UBAP2: variants seen among roughly 807,000 people sequenced by gnomAD.
UBAP2 encodes the protein ubiquitin-associated protein 2.
A neutral mutation model predicts 139.6 loss-of-function variants in UBAP2; 75 were observed. The ratio of observed to expected loss-of-function variants is 0.54; its 90% CI spans 0.45 to 0.65. UBAP2 has a LOEUF of 0.65. Ranked by LOEUF, UBAP2 falls within the 30% of genes least tolerant of loss-of-function variation. UBAP2 has a pLI of 0.00. For missense variants in UBAP2, 1,368 were observed against 1,369.6 expected, an observed-to-expected ratio of 1.00 and a Z score of 0.02; for synonymous variants, 526 against 526.2, an observed-to-expected ratio of 1.00 and a Z score of 0.01.
At chr9:33,987,859 A>C (rs539479365) in intron 5 of UBAP2, among the ~76,000 whole-genome samples, 1 of 152,372 alleles carries the variant, frequency 6.6e-6, no homozygotes, top group South Asian at 2.1e-4. Flanking sequence ...CTGAGTTCTT[A>C]GAAAAACTAA....
chr9:33,981,205 G>GATATATATATATATATATTCTGGAT (rs376947939), intron 6 of UBAP2, among the ~76,000 whole-genome samples: 8 of 3,684 alleles, frequency 2.2e-3, no homozygotes, highest in Non-Finnish European at 4.9e-3. Context: ...ATATATTCTG[G>GATATATATATATATATATTCTGGAT]ATATATATAT....
intron 1 of UBAP2, among the ~76,000 whole-genome samples, chr9:34,020,945 G>A (rs1028841379): frequency 2.0e-5 from 3 of 151,966 alleles, no homozygotes; most frequent in African/African-American, 4.8e-5. Context: ...TACAGGACCC[G>A]GCCGGAATTC....
intron 1 of UBAP2, among the ~76,000 whole-genome samples, chr9:34,047,093 G>A (rs1012690391): frequency 6.6e-6 from 1 of 152,108 alleles, no homozygotes; most frequent in Non-Finnish European, 1.5e-5. Flanking sequence ...TCTCTCCCAT[G>A]CCACCACTTT....
At chr9:33,925,363 A>C (rs887099477) in intron 22 of UBAP2, among the ~76,000 whole-genome samples, 7 of 152,176 alleles carry the variant, frequency 4.6e-5, no homozygotes, top group Non-Finnish European at 2.9e-5. Context: ...TTCACAGAAC[A>C]CGAGAATTCT....
At chr9:34,044,186 G>A (rs1038777159) in intron 1 of UBAP2, among the ~76,000 whole-genome samples, 4 of 151,312 alleles carry the variant, frequency 2.6e-5, no homozygotes, top group Admixed American at 6.6e-5. Context: ...TCACACACGA[G>A]GTCAGGAGAT....
At chr9:34,011,111 C>G (rs922478154) in intron 2 of UBAP2, among the ~76,000 whole-genome samples, 2 of 152,104 alleles carry the variant, frequency 1.3e-5, no homozygotes, top group African/African-American at 4.8e-5. Context: ...CAAACAAGCA[C>G]TTGATGGGTG....
In UBAP2 at chr9:33,941,758, G is replaced by C. The variant is rs745760902; in HGVS notation, c.1820C>G (p.Ser607Cys). 3.1e-6 allele frequency: 5 copies of C among 1,613,980 alleles called. No individual in the cohort carries two copies. Among genetic ancestry groups the C allele is most frequent in the Admixed American group, 1.7e-5 (1 of 60,008 alleles). ...SCSLTSSSLN[S>C]ASPVAMSSSY... ...GGAAGACATTGCTACTGGACTAGCAGAATTCAGTGATGAGCTTGTCAGACT... is the reference window on the plus strand; with the variant it reads ...GGAAGACATTGCTACTGGACTAGCACAATTCAGTGATGAGCTTGTCAGACT... The change falls in exon 16 of 29, where the codon TCT becomes TGT. Residue 607 changes from serine to cysteine, a missense_variant. Coordinates refer to ENST00000379238, the MANE Select transcript of UBAP2 (RefSeq NM_001370062.2).
chr9:33,958,172 G>A (rs997699520), intron 10 of UBAP2, among the ~76,000 whole-genome samples: 29 of 152,128 alleles, frequency 1.9e-4, no homozygotes, highest in Admixed American at 5.9e-4. Flanking sequence ...ATGTTGCCCA[G>A]GCTGCACTTG....
Position 33,922,500 on chromosome 9 carries a change from G to C in UBAP2, c.*4C>G, listed in dbSNP as rs201968722. On this transcript the variant is annotated 3_prime_UTR_variant, in exon 29 of 29. Coordinates refer to ENST00000379238, the MANE Select transcript of UBAP2 (RefSeq NM_001370062.2). ...TTGCCCCAGCCCACCCCTCTCTTCT[G>C]GGTTTAGTTTGTCCAGTATGGAGAG... 5.8e-4 allele frequency: 935 copies of C among 1,613,360 alleles called. 2 individuals carry two copies. The highest frequency in any genetic ancestry group is 7.3e-4 in the Non-Finnish European group (866 of 1,179,778).
At position 33,933,631 on chromosome 9, in the gene UBAP2, G is replaced by A. The variant is rs1824198639; in HGVS notation, c.1970-3C>T. On this transcript the variant is annotated splice_polypyrimidine_tract_variant and splice_region_variant and intron_variant, in intron 17 of 28. Transcript: ENST00000379238. ...GGGAGGGCCTGTTGTCTTTGGAGCT[G>A]GAACAGATGAAGTAGCTGTAAGAAG... 2 of 1,613,492 alleles carry A rather than the reference G, an allele frequency of 1.2e-6. No homozygotes were observed. The highest frequency in any genetic ancestry group is 1.1e-5 in the South Asian group (1 of 91,054).
chr9:33,995,524 AATAT>A, intron 4 of UBAP2: 1 of 96,386 alleles, frequency 1.0e-5, no homozygotes, highest in South Asian at 2.8e-4. Context: ...TAAATATATA[AATAT>A]ATTTATATTA....
At chr9:33,933,689 T>G (rs1442519138) in intron 17 of UBAP2, 61 bp from the exon 18 acceptor site, 2 of 1,589,966 alleles carry the variant, frequency 1.3e-6, no homozygotes, top group African/African-American at 2.7e-5. Flanking sequence ...CAATCCTAAG[T>G]GCCTGAAAAT....
At chr9:33,968,222 C>A in intron 8 of UBAP2, 2 of 619,472 alleles carry the variant, frequency 3.2e-6, no homozygotes, top group East Asian at 3.9e-5. Context: ...GATTATGAAA[C>A]CTAAACCCTC....
At chr9:33,970,513 T>C (rs1242474043) in intron 8 of UBAP2, among the ~76,000 whole-genome samples, 1 of 151,784 alleles carries the variant, frequency 6.6e-6, no homozygotes, top group Non-Finnish European at 1.5e-5. Context: ...CACTGCATCC[T>C]CAACCTGCCA....
At chr9:34,015,001 G>T (rs1254011138) in intron 2 of UBAP2, among the ~76,000 whole-genome samples, 1 of 152,182 alleles carries the variant, frequency 6.6e-6, no homozygotes, top group African/African-American at 2.4e-5. Flanking sequence ...ACTGAAAAAT[G>T]TAACGCAACA....
intron 3 of UBAP2, chr9:33,997,730 C>T (rs1446513848): frequency 1.3e-5 from 2 of 152,208 alleles, no homozygotes; most frequent in Admixed American, 1.3e-4. Flanking sequence ...GAACTTAAAT[C>T]TCTGAACTCC....
intron 16 of UBAP2, among the ~76,000 whole-genome samples, chr9:33,937,131 C>CAA (rs201060540): frequency 2.0e-4 from 20 of 99,636 alleles, no homozygotes; most frequent in South Asian, 3.1e-4. Flanking sequence ...GGTGGTGATT[C>CAA]AAAAAAAAAA....
At chr9:34,017,714 C>G (rs1564065272) in intron 1 of UBAP2, among the ~76,000 whole-genome samples, 2 of 152,090 alleles carry the variant, frequency 1.3e-5, no homozygotes, top group Non-Finnish European at 2.9e-5. Context: ...ATCATGAGGT[C>G]AGGAGATCGA....
At chr9:34,001,232 A>C (rs1822673433) in intron 2 of UBAP2, among the ~76,000 whole-genome samples, 1 of 152,212 alleles carries the variant, frequency 6.6e-6, no homozygotes, top group Non-Finnish European at 1.5e-5. Context: ...CTAAGTAAAA[A>C]AGGTTTTATT....
Sources: gnomAD v4.1 joint callset for allele counts (sites outside exome capture counted in the v4.1 genomes callset) on GRCh38, gnomAD v4.1.1 for gene constraint, MANE v1.5 for transcripts, NCBI Gene and HGNC (gene_info 2026-07-23, HGNC 2026-07-21) for gene names.